Variants in GLI3 observed in about 807,000 individuals in gnomAD.
The protein encoded by GLI3 is transcription activator GLI3.
A neutral mutation model predicts 100.8 loss-of-function variants in GLI3; 20 were observed. The ratio of observed to expected loss-of-function variants is 0.20; its 90% confidence interval spans 0.14 to 0.29. GLI3 has a LOEUF of 0.29. Ranked by LOEUF, GLI3 falls within the 10% of genes least tolerant of loss-of-function variation. The pLI, the probability that GLI3 is intolerant of heterozygous loss-of-function variation, is 1.00. For missense variants in GLI3, 2,040 were observed against 2,128.5 expected (o/e 0.96, Z 0.82); for synonymous variants, 938 against 860.5 (o/e 1.09, Z -1.58).
At chr7:42,007,516 A>C (rs973902240) in intron 10 of GLI3, among the ~76,000 whole-genome samples, 4 of 152,164 alleles carry the variant, frequency 2.6e-5, no homozygotes, top group African/African-American at 9.7e-5. Context: ...GAGGAAAAAA[A>C]CGCCTTTCCT....
chr7:42,220,538 G>C (rs1019903364), intron 2 of GLI3, among the ~76,000 whole-genome samples: 3 of 152,208 alleles, frequency 2.0e-5, no homozygotes, highest in Non-Finnish European at 2.9e-5. Flanking sequence ...ACTGAGTGCA[G>C]AGGCAGCAGG....
chr7:42,118,516 G>C (rs1294472119), intron 3 of GLI3, among the ~76,000 whole-genome samples: 1 of 152,192 alleles, frequency 6.6e-6, no homozygotes, highest in African/African-American at 2.4e-5. Context: ...ATTGGTTTTT[G>C]ATTCACGTGG....
At chr7:42,125,622 C>T (rs1786106827) in intron 3 of GLI3, among the ~76,000 whole-genome samples, 1 of 152,174 alleles carries the variant, frequency 6.6e-6, no homozygotes, top group Non-Finnish European at 1.5e-5. Flanking sequence ...CATTCTTCCC[C>T]TGCCATGCAC....
chr7:42,056,991 A>G (rs1262218251), intron 4 of GLI3, among the ~76,000 whole-genome samples: 1 of 151,266 alleles, frequency 6.6e-6, no homozygotes, highest in Non-Finnish European at 1.5e-5. Context: ...TCAAAAAAAA[A>G]AAAAAAAAGT....
At chr7:42,121,028 C>A (rs533713813) in intron 3 of GLI3, among the ~76,000 whole-genome samples, 1 of 152,344 alleles carries the variant, frequency 6.6e-6, no homozygotes, top group South Asian at 2.1e-4. Context: ...CTGGCTCCTG[C>A]ATCTAAATTC....
intron 1 of GLI3, among the ~76,000 whole-genome samples, chr7:42,251,416 G>A (rs774960362): frequency 1.3e-5 from 2 of 152,212 alleles, no homozygotes; most frequent in African/African-American, 2.4e-5. Context: ...GAGCTTAGGC[G>A]GCGATGCTCT....
chr7:41,970,743 T>C (rs1787342032), intron 13 of GLI3, among the ~76,000 whole-genome samples: 1 of 152,118 alleles, frequency 6.6e-6, no homozygotes, highest in Non-Finnish European at 1.5e-5. Flanking sequence ...AGATTTTGGG[T>C]TCTTGGAATA....
intron 10 of GLI3, among the ~76,000 whole-genome samples, chr7:42,005,458 T>TACACACACACACACACACACACAC (rs3030321): frequency 7.0e-6 from 1 of 143,518 alleles, no homozygotes; most frequent in Non-Finnish European, 1.5e-5. Context: ...TGAATTCACA[T>TACACACACACACACACACACACAC]ACACACACAC....
At chr7:42,156,927 C>T (rs1787017181) in intron 2 of GLI3, among the ~76,000 whole-genome samples, 1 of 152,158 alleles carries the variant, frequency 6.6e-6, no homozygotes, top group Non-Finnish European at 1.5e-5. Context: ...GTTTATGTTG[C>T]ATGTTTTTGT....
chr7:42,132,302 A>G (rs187371356), intron 3 of GLI3, among the ~76,000 whole-genome samples: 9,228 of 151,570 alleles, frequency 0.061, 361 homozygotes, highest in East Asian at 0.23. Context: ...GGGTTTCACC[A>G]TGTTAGCCAG....
intron 2 of GLI3, among the ~76,000 whole-genome samples, chr7:42,169,662 A>AT (rs1434951102): frequency 6.6e-6 from 1 of 152,164 alleles, no homozygotes; most frequent in Non-Finnish European, 1.5e-5. Context: ...CCCTAAAAGG[A>AT]TGTTCACTGA....
At chr7:42,013,704 T>C (rs1269458154) in intron 10 of GLI3, among the ~76,000 whole-genome samples, 1 of 152,086 alleles carries the variant, frequency 6.6e-6, no homozygotes, top group Non-Finnish European at 1.5e-5. Flanking sequence ...AGCAAAATAA[T>C]GACAAAGGAA....
intron 5 of GLI3, 44 bp downstream of exon 5, chr7:42,048,447 G>GGA (rs1784289497): frequency 1.6e-6 from 2 of 1,266,784 alleles, no homozygotes; most frequent in Admixed American, 1.7e-5. Flanking sequence ...GGAGCGGGGA[G>GGA]GAGGCTGCAT....
chr7:42,186,860 G>A (rs1322172343), intron 2 of GLI3, among the ~76,000 whole-genome samples: 1 of 152,170 alleles, frequency 6.6e-6, no homozygotes, highest in Admixed American at 6.5e-5. Flanking sequence ...AATGGCTAAA[G>A]TGAGCTTTTA....
intron 3 of GLI3, among the ~76,000 whole-genome samples, chr7:42,080,284 T>C (rs1299767058): frequency 6.6e-6 from 1 of 152,206 alleles, no homozygotes; most frequent in Non-Finnish European, 1.5e-5. Context: ...AATTTAAAAG[T>C]TAATTCTGAC....
intron 2 of GLI3, among the ~76,000 whole-genome samples, chr7:42,179,192 C>G (rs933347382): frequency 5.3e-5 from 8 of 152,284 alleles, no homozygotes; most frequent in Admixed American, 4.6e-4. Context: ...AAACTCTCCT[C>G]TTGTCTGCTG....
intron 3 of GLI3, among the ~76,000 whole-genome samples, chr7:42,099,417 C>T (rs1291335428): frequency 6.6e-6 from 1 of 152,160 alleles, no homozygotes; most frequent in Non-Finnish European, 1.5e-5. Context: ...ATAGAGCATA[C>T]TTAACAGGCT....
At chr7:42,245,176 A>G (rs1246277236) in intron 1 of GLI3, among the ~76,000 whole-genome samples, 2 of 152,154 alleles carry the variant, frequency 1.3e-5, no homozygotes, top group Non-Finnish European at 2.9e-5. Context: ...GAAGGAAAGT[A>G]TTTAGTCCAT....
chr7:42,072,105 T>G (rs1784795192), intron 4 of GLI3, among the ~76,000 whole-genome samples: 1 of 152,218 alleles, frequency 6.6e-6, no homozygotes. Context: ...TTATGTGAGC[T>G]GGCTTGGGGT....
Sources: allele counts gnomAD v4.1 joint callset (sites outside exome capture counted in the v4.1 genomes callset), GRCh38; gene constraint gnomAD v4.1.1; transcripts MANE v1.5; gene names NCBI Gene and HGNC (gene_info 2026-07-23, HGNC 2026-07-21).